The following FHL5 variants were observed in gnomAD, a reference collection of about 807,000 sequenced individuals.
FHL5 encodes the protein four and a half LIM domains protein 5.
A neutral mutation model predicts 32.0 loss-of-function variants in FHL5; 33 were observed. The ratio of observed to expected loss-of-function variants is 1.03; its 90% CI spans 0.78 to 1.38. The LOEUF (loss-of-function observed/expected upper bound fraction) is 1.38, where lower values mean the gene tolerates loss of function less well. FHL5 is among the 40% of genes most tolerant of loss of function. The probability of loss-of-function intolerance (pLI) is 0.00; values close to 1 mark genes in which losing one functional copy is unlikely to be tolerated. For missense variants in FHL5, 336 were observed against 343.9 expected (o/e 0.98, Z 0.18); for synonymous variants, 114 against 113.6 (o/e 1.00, Z -0.02).
At chr6:96,566,932 C>A (rs1018552148) in intron 1 of FHL5, among the ~76,000 whole-genome samples, 1 of 151,826 alleles carries the variant, frequency 6.6e-6, no homozygotes, top group Non-Finnish European at 1.5e-5. Flanking sequence ...TCCTGTCCTG[C>A]AGGTTGTCTT....
chr6:96,606,582 C>T (rs1771286206), intron 4 of FHL5, among the ~76,000 whole-genome samples: 1 of 152,122 alleles, frequency 6.6e-6, no homozygotes, highest in African/African-American at 2.4e-5. Flanking sequence ...GAACTCCTGA[C>T]CTCAGGTGAT....
At chr6:96,609,591 G>A (rs1456312397) in intron 4 of FHL5, among the ~76,000 whole-genome samples, 1 of 152,166 alleles carries the variant, frequency 6.6e-6, no homozygotes, top group African/African-American at 2.4e-5. Flanking sequence ...ACACCTTAAG[G>A]CTCAATGTAC....
At chr6:96,574,356 T>C (rs962916590) in intron 1 of FHL5, among the ~76,000 whole-genome samples, 22 of 152,348 alleles carry the variant, frequency 1.4e-4, no homozygotes, top group African/African-American at 5.3e-4. Flanking sequence ...CAGATAATAC[T>C]TTAGTCTTCA....
At chr6:96,591,637 C>T (rs943065466) in intron 1 of FHL5, among the ~76,000 whole-genome samples, 1 of 151,942 alleles carries the variant, frequency 6.6e-6, no homozygotes, top group Admixed American at 6.6e-5. Flanking sequence ...TGTCTAGCTT[C>T]CTTTTTTTTC....
intron 1 of FHL5, among the ~76,000 whole-genome samples, chr6:96,565,056 A>T (rs530383596): frequency 6.6e-6 from 1 of 152,088 alleles, no homozygotes; most frequent in South Asian, 2.1e-4. Context: ...AGGGTTCAAG[A>T]CCAGCTGGGG....
chr6:96,564,929 C>T (rs922161587), intron 1 of FHL5, among the ~76,000 whole-genome samples: 3 of 151,958 alleles, frequency 2.0e-5, no homozygotes, highest in African/African-American at 7.3e-5. Flanking sequence ...AGGAGGACTC[C>T]TTTTTGCCCA....
At chr6:96,583,177 G>C (rs1436749591) in intron 1 of FHL5, among the ~76,000 whole-genome samples, 1 of 152,066 alleles carries the variant, frequency 6.6e-6, no homozygotes, top group Non-Finnish European at 1.5e-5. Flanking sequence ...AAATAAGGAA[G>C]TACACACAGA....
chr6:96,584,796 A>G (rs1197181323), intron 1 of FHL5, among the ~76,000 whole-genome samples: 1 of 152,170 alleles, frequency 6.6e-6, no homozygotes, highest in Non-Finnish European at 1.5e-5. Flanking sequence ...ATGTAAGCCA[A>G]TATGGTCCAC....
chr6:96,566,337 T>A (rs1770356633), intron 1 of FHL5, among the ~76,000 whole-genome samples: 1 of 152,078 alleles, frequency 6.6e-6, no homozygotes, highest in African/African-American at 2.4e-5. Context: ...AAATTTGTTC[T>A]TTTTTACAAC....
intron 1 of FHL5, among the ~76,000 whole-genome samples, chr6:96,592,031 T>G (rs926676224): frequency 1.4e-4 from 22 of 152,188 alleles, no homozygotes; most frequent in African/African-American, 5.1e-4. Flanking sequence ...CACAGGACCA[T>G]AGGACCGGGG....
chr6:96,610,926 A>T (rs1342892038), intron 5 of FHL5, among the ~76,000 whole-genome samples, 168 bp downstream of exon 5: 2 of 152,220 alleles, frequency 1.3e-5, no homozygotes, highest in Non-Finnish European at 2.9e-5. Flanking sequence ...TATTACATGG[A>T]TTCCTCAAGG....
In FHL5 at chr6:96,563,281, T is replaced by C. The variant is rs1247057541; in HGVS notation, c.-87T>C. 1 of 152,152 alleles carries C rather than the reference T, an allele frequency of 6.6e-6. No homozygotes were observed. Among genetic ancestry groups the C allele is most frequent in the Non-Finnish European group, 1.5e-5 (1 of 68,022 alleles). The allele number at this position is 152,152 out of a possible 1,614,324, so 9.4% of individuals were successfully genotyped here. The stretch of plus-strand genomic sequence containing the variant: ...CTTTTGGAGTTGACATGCATGTGGA[T>C]TGGAGGAAAAATAATCAACATATAT... On this transcript the variant is annotated 5_prime_UTR_variant, in exon 1 of 6. Transcript: ENST00000450218.
intron 1 of FHL5, among the ~76,000 whole-genome samples, chr6:96,584,315 G>A (rs1770751681): frequency 6.6e-6 from 1 of 152,136 alleles, no homozygotes; most frequent in Non-Finnish European, 1.5e-5. Context: ...TAGATGGGGA[G>A]CAAAGAGAAG....
intron 1 of FHL5, among the ~76,000 whole-genome samples, chr6:96,588,916 G>A (rs1770857849): frequency 6.6e-6 from 1 of 150,952 alleles, no homozygotes; most frequent in Non-Finnish European, 1.5e-5. Context: ...TTTACAGTTT[G>A]TGTTTTTCAT....
chr6:96,595,354 AT>A (rs537856060), intron 1 of FHL5, among the ~76,000 whole-genome samples: 6 of 149,450 alleles, frequency 4.0e-5, no homozygotes, highest in Admixed American at 1.3e-4. Flanking sequence ...TGTTTTAGAC[AT>A]TTTTTTTTCT....
chr6:96,587,044 C>G (rs1014523819), intron 1 of FHL5, among the ~76,000 whole-genome samples: 1 of 152,194 alleles, frequency 6.6e-6, no homozygotes, highest in African/African-American at 2.4e-5. Context: ...GGAGAACATT[C>G]AAGAGCAAAG....
chr6:96,590,616 A>G (rs761610919), intron 1 of FHL5, among the ~76,000 whole-genome samples: 6 of 152,020 alleles, frequency 3.9e-5, no homozygotes, highest in Admixed American at 2.0e-4. Context: ...TGCAAAATCT[A>G]TGGCTTCCAG....
rs1232656698 is a variant in FHL5, at chr6:96,616,489, GTATTAAATA to G, written c.*722_*730del. The G allele has an allele frequency of 1.3e-5, 2 of 152,140 alleles. No individual in the cohort carries two copies. Among genetic ancestry groups the G allele is most frequent in the Non-Finnish European group, 2.9e-5 (2 of 68,016 alleles). The allele number at this position is 152,140 out of a possible 1,614,324, so 9.4% of individuals were successfully genotyped here. A position where few individuals can be genotyped will look rare whatever the true frequency, so the allele number is the denominator to read the frequency against. On this transcript the variant is annotated 3_prime_UTR_variant, in exon 6 of 6. Coordinates refer to ENST00000450218, the MANE Select transcript of FHL5 (RefSeq NM_001322466.2). ...CAAAGCATGGGTTTCAACACGTTTT[GTATTAAATA>G]TATTTTCAAAGTCCACAGTGATTTT...
intron 1 of FHL5, among the ~76,000 whole-genome samples, chr6:96,600,338 T>C (rs1771122786): frequency 6.6e-6 from 1 of 152,200 alleles, no homozygotes; most frequent in Non-Finnish European, 1.5e-5. Context: ...TCATCCTTAA[T>C]GTACCCAGGT....
Sources: gnomAD v4.1 joint callset for allele counts (sites outside exome capture counted in the v4.1 genomes callset) on GRCh38, gnomAD v4.1.1 for gene constraint, MANE v1.5 for transcripts, NCBI Gene and HGNC (gene_info 2026-07-23, HGNC 2026-07-21) for gene names.